The following PCDH11X variants were observed in gnomAD, a reference collection of about 807,000 sequenced individuals.
PCDH11X encodes the protein protocadherin-11 X-linked.
A neutral mutation model predicts 53.3 loss-of-function variants in PCDH11X; 18 were observed. The ratio of observed to expected loss-of-function variants is 0.34; its 90% CI spans 0.23 to 0.50. The LOEUF is 0.50. PCDH11X is among the 20% of genes least tolerant of loss of function. The probability of loss-of-function intolerance (pLI) is 0.98; values close to 1 mark genes in which losing one functional copy is unlikely to be tolerated. For missense variants in PCDH11X, 570 were observed against 1,032.4 expected (o/e 0.55, Z 6.14); for synonymous variants, 279 against 393.3 (o/e 0.71, Z 3.44).
intron 6 of PCDH11X, among the ~76,000 whole-genome samples, chrX:91,893,031 C>T (rs1383466983): frequency 9.2e-6 from 1 of 109,167 alleles, no homozygotes; most frequent in Non-Finnish European, 1.9e-5. Context: ...TGAAACAAGT[C>T]GGCATGCTAT....
chrX:91,817,550 C>T (rs769616216), intron 4 of PCDH11X, among the ~76,000 whole-genome samples: 3 of 111,310 alleles, frequency 2.7e-5, no homozygotes, highest in East Asian at 2.8e-4. Flanking sequence ...AACTTTCTGT[C>T]GTAATAGAAA....
chrX:92,267,532 G>A (rs5984916), intron 8 of PCDH11X, among the ~76,000 whole-genome samples: 19,547 of 111,397 alleles, frequency 0.18, 2,692 homozygotes, highest in East Asian at 0.51. Flanking sequence ...GAGGGGAGCA[G>A]TGAAATTGTT....
intron 6 of PCDH11X, among the ~76,000 whole-genome samples, chrX:91,905,842 C>T (rs1941134690): frequency 9.0e-6 from 1 of 110,792 alleles, no homozygotes; most frequent in South Asian, 3.8e-4. Flanking sequence ...TTAACTGTGC[C>T]ATGGTGCCAT....
rs764977806 is a variant in PCDH11X, at chrX:92,592,155, G to T, written c.3368-26109G>T. 2.2e-3 allele frequency among the ~76,000 whole-genome samples: 195 copies of T among 87,314 alleles called. 1 individual carries two copies. Among genetic ancestry groups the T allele is most frequent in the Non-Finnish European group, 3.1e-3 (139 of 44,602 alleles). The allele number at this position is 87,314 out of a possible 115,157, so 75.8% of individuals were successfully genotyped here. A position where few individuals can be genotyped will look rare whatever the true frequency, so the allele number is the denominator to read the frequency against. ...CAGTCACCTTTGCTCTGGGTCAGTT[G>T]CTAACTCTTTACCCTCTCCAATTGG... On this transcript the variant is annotated intron_variant, in intron 10 of 10. Coordinates refer to ENST00000682573, the MANE Select transcript of PCDH11X (RefSeq NM_032968.5).
intron 10 of PCDH11X, among the ~76,000 whole-genome samples, chrX:92,546,942 T>C (rs748752734): frequency 1.8e-5 from 2 of 111,693 alleles, no homozygotes; most frequent in Admixed American, 1.9e-4. Context: ...TACCCATCTT[T>C]TGTTCTCCTC....
chrX:92,148,027 C>T lies in PCDH11X; in HGVS notation c.3034-53348C>T, dbSNP rs1210709320. Reference sequence around the variant, plus strand: ...TTTCTTTTTCTTTCCTTCCTTCCTTCCTTTCCTTCTTTCCCTTCCTTCCTT... The same window carrying T: ...TTTCTTTTTCTTTCCTTCCTTCCTTTCTTTCCTTCTTTCCCTTCCTTCCTT... On this transcript the variant is annotated intron_variant, in intron 6 of 10. Coordinates refer to ENST00000682573, the MANE Select transcript of PCDH11X (RefSeq NM_032968.5). Among the ~76,000 whole-genome samples, 129 of 74,209 alleles carry T rather than the reference C, an allele frequency of 1.7e-3. 8 individuals carry two copies. Among genetic ancestry groups the T allele is most frequent in the African/African-American group, 7.8e-3 (120 of 15,436 alleles). 64.4% of individuals were successfully genotyped at this position (74,209 alleles called of 115,157 possible). A position where few individuals can be genotyped will look rare whatever the true frequency, so the allele number is the denominator to read the frequency against.
chrX:92,032,596 C>A (rs1459902731), intron 6 of PCDH11X, among the ~76,000 whole-genome samples: 4 of 110,874 alleles, frequency 3.6e-5, no homozygotes, highest in Non-Finnish European at 5.7e-5. Flanking sequence ...TTTTCCCATT[C>A]AGTATGATAC....
Position 92,586,666 on chromosome X carries a change from T to A in PCDH11X, c.3368-31598T>A, listed in dbSNP as rs1420582963. Among the ~76,000 whole-genome samples, 18 of 107,607 alleles carry A rather than the reference T, an allele frequency of 1.7e-4. No individual in the cohort carries two copies. In the East Asian group the frequency reaches 5.0e-3, roughly 30 times the overall value. The allele number at this position is 107,607 out of a possible 115,157, so 93.4% of individuals were successfully genotyped here. A position where few individuals can be genotyped will look rare whatever the true frequency, so the allele number is the denominator to read the frequency against. Reference sequence around the variant, plus strand: ...GTGTCCAGCAAATTCCAGTAGATATTGTAGAAATATTAGGTGAAAATGGGA... The same window carrying A: ...GTGTCCAGCAAATTCCAGTAGATATAGTAGAAATATTAGGTGAAAATGGGA... On this transcript the variant is annotated intron_variant, in intron 10 of 10. Coordinates refer to ENST00000682573, the MANE Select transcript of PCDH11X (RefSeq NM_032968.5).
chrX:91,845,720 T>A (rs938114355), intron 5 of PCDH11X, among the ~76,000 whole-genome samples: 2 of 111,457 alleles, frequency 1.8e-5, no homozygotes, highest in Non-Finnish European at 3.8e-5. Flanking sequence ...ATTTTCCCTA[T>A]AGTTAGAGGT....
chrX:92,100,763 G>A (rs1176041060), intron 6 of PCDH11X, among the ~76,000 whole-genome samples: 2 of 110,249 alleles, frequency 1.8e-5, no homozygotes, highest in African/African-American at 6.7e-5. Flanking sequence ...TTTTTGGGGG[G>A]GTGGTATGGA....
chrX:92,419,076 G>T (rs1359836087), intron 9 of PCDH11X, among the ~76,000 whole-genome samples: 1 of 100,352 alleles, frequency 1.0e-5, no homozygotes, highest in African/African-American at 3.6e-5. Flanking sequence ...GTATATATAT[G>T]TAGGATTGTT....
At chrX:92,012,593 C>T (rs958301452) in intron 6 of PCDH11X, among the ~76,000 whole-genome samples, 15 of 111,673 alleles carry the variant, frequency 1.3e-4, no homozygotes, top group Non-Finnish European at 2.3e-4. Context: ...TAAGTACAAT[C>T]AGTGTTAAAC....
At chrX:92,588,929 A>G (rs1211121368) in intron 10 of PCDH11X, among the ~76,000 whole-genome samples, 1 of 110,790 alleles carries the variant, frequency 9.0e-6, no homozygotes, top group Non-Finnish European at 1.9e-5. Flanking sequence ...CCACAGGGAA[A>G]AAGAAAATAC....
At chrX:92,467,949 T>A (rs2073188052) in intron 9 of PCDH11X, among the ~76,000 whole-genome samples, 1 of 111,556 alleles carries the variant, frequency 9.0e-6, no homozygotes, top group Non-Finnish European at 1.9e-5. Context: ...GGTATGTCAG[T>A]AGAGGACTGT....
chrX:92,070,914 C>T (rs1275932877), intron 6 of PCDH11X, among the ~76,000 whole-genome samples: 3 of 110,734 alleles, frequency 2.7e-5, no homozygotes, highest in Non-Finnish European at 5.7e-5. Context: ...ATTTTCCTGC[C>T]TCAGCCTCCT....
chrX:92,281,453 A>G (rs772673745), intron 8 of PCDH11X, among the ~76,000 whole-genome samples: 1 of 112,331 alleles, frequency 8.9e-6, no homozygotes, highest in Non-Finnish European at 1.9e-5. Context: ...GGCAACTGCC[A>G]TGATTAGGGT....
intron 6 of PCDH11X, among the ~76,000 whole-genome samples, chrX:92,120,190 T>A (rs1179532131): frequency 1.1e-5 from 1 of 94,771 alleles, no homozygotes; most frequent in Non-Finnish European, 2.1e-5. Flanking sequence ...AGACAGAGTC[T>A]CTCTCTGTCA....
chrX:92,213,820 A>C (rs2066636360), intron 7 of PCDH11X, among the ~76,000 whole-genome samples: 1 of 112,346 alleles, frequency 8.9e-6, no homozygotes, highest in Non-Finnish European at 1.9e-5. Context: ...TTTGGAAAAT[A>C]AATTATAGAA....
At chrX:92,213,020 G>A (rs2066621017) in intron 7 of PCDH11X, among the ~76,000 whole-genome samples, 1 of 111,900 alleles carries the variant, frequency 8.9e-6, no homozygotes, top group Non-Finnish European at 1.9e-5. Flanking sequence ...CTTAATCTGG[G>A]AACTTTTGAG....
Sources: allele counts gnomAD v4.1 joint callset (sites outside exome capture counted in the v4.1 genomes callset), GRCh38; gene constraint gnomAD v4.1.1; transcripts MANE v1.5; gene names NCBI Gene and HGNC (gene_info 2026-07-23, HGNC 2026-07-21).